TMEM161B: variants seen among roughly 807,000 people sequenced by gnomAD.
TMEM161B encodes transmembrane protein 161B.
In TMEM161B, 34 loss-of-function variants were observed where a neutral mutation model predicts 61.8. The ratio of observed to expected loss-of-function variants is 0.55; its 90% CI spans 0.42 to 0.73. The LOEUF is 0.73. Among genes scored for constraint, TMEM161B ranks in the 30% least tolerant of loss-of-function variants. TMEM161B has a pLI of 0.00. For synonymous variants in TMEM161B, 167 were observed against 192.8 expected (o/e 0.87, Z 1.11); for missense variants, 456 against 558.5 (o/e 0.82, Z 1.85).
intron 1 of TMEM161B, among the ~76,000 whole-genome samples, chr5:88,253,019 A>G (rs1754535431): frequency 6.6e-6 from 1 of 152,142 alleles, no homozygotes; most frequent in South Asian, 2.1e-4. Flanking sequence ...TATTTCATTC[A>G]AGGAGTGATG....
At chr5:88,189,217 C>CTT (rs879389120), downstream of TMEM161B, among the ~76,000 whole-genome samples, 10 of 149,170 alleles carry the variant, frequency 6.7e-5, no homozygotes, top group African/African-American at 2.5e-4. Flanking sequence ...ACTATTTTAA[C>CTT]TTTTTTTTTT....
chr5:88,240,638 T>C (rs1386235660), intron 2 of TMEM161B, among the ~76,000 whole-genome samples, 175 bp downstream of exon 2: 2 of 151,378 alleles, frequency 1.3e-5, no homozygotes, highest in South Asian at 2.1e-4. Context: ...CTGGGCAACA[T>C]AGCAAGGTCT....
Position 88,220,649 on chromosome 5 carries a change from T to A in TMEM161B, c.360A>T (p.Val120=). ...TCATAAAATTGTAGTAGACTTCAGT[T>A]ACTAGATACACAACTGTAGCAGCCA... The part of the protein sequence containing the change: ...FTVAATVVYL[V]TEVYYNFMKP... Residue 120 remains valine, a synonymous_variant, in exon 5 of 12, where the codon GTA becomes GTT. Transcript: ENST00000296595. 1 of 1,593,888 alleles carries A rather than the reference T, an allele frequency of 6.3e-7. No homozygotes were observed. Among genetic ancestry groups the A allele is most frequent in the Non-Finnish European group, 8.5e-7 (1 of 1,174,750 alleles).
intron 8 of TMEM161B, among the ~76,000 whole-genome samples, chr5:88,204,458 C>T (rs1394629047): frequency 1.3e-5 from 2 of 152,122 alleles, no homozygotes; most frequent in East Asian, 3.8e-4. Context: ...TTCTTTCATC[C>T]CACAGACTGG....
intron 1 of TMEM161B, among the ~76,000 whole-genome samples, chr5:88,261,407 A>G (rs1046462294): frequency 2.0e-5 from 3 of 151,978 alleles, no homozygotes; most frequent in Admixed American, 6.6e-5. Context: ...TCAAAAAAAA[A>G]GAAAAGAAAA....
chr5:88,220,503 A>ATGAGATCTAATGGTGTTATCTCTGATT, intron 5 of TMEM161B, 60 bp downstream of exon 5: 1 of 1,290,014 alleles, frequency 7.8e-7, no homozygotes, highest in Non-Finnish European at 1.0e-6. Context: ...CAAATCAGAG[A>ATGAGATCTAATGGTGTTATCTCTGATT]TGAGATCTAA....
At chr5:88,224,967 T>TTG in intron 4 of TMEM161B, among the ~76,000 whole-genome samples, 1 of 140,550 alleles carries the variant, frequency 7.1e-6, no homozygotes, top group East Asian at 2.1e-4. Flanking sequence ...ATGTTTTTGT[T>TTG]TTTTTTTTTT....
chr5:88,188,596 A>G (rs556343147), downstream of TMEM161B, among the ~76,000 whole-genome samples: 1 of 152,358 alleles, frequency 6.6e-6, no homozygotes, highest in South Asian at 2.1e-4. Context: ...AGGATAAAAT[A>G]AAGCAGGCAG....
intron 4 of TMEM161B, among the ~76,000 whole-genome samples, chr5:88,223,669 C>A (rs748590315): frequency 2.6e-5 from 4 of 151,942 alleles, no homozygotes; most frequent in Non-Finnish European, 5.9e-5. Flanking sequence ...GGGCAGATCA[C>A]GAGGTCAGGA....
chr5:88,230,597 C>T (rs973669767), intron 2 of TMEM161B, among the ~76,000 whole-genome samples: 5 of 152,150 alleles, frequency 3.3e-5, no homozygotes, highest in African/African-American at 1.2e-4. Context: ...CACTTTCTGG[C>T]TTGACTAAGT....
At chr5:88,248,289 T>C (rs80129947) in intron 1 of TMEM161B, among the ~76,000 whole-genome samples, 1,536 of 152,104 alleles carry the variant, frequency 0.01, 16 homozygotes, top group African/African-American at 0.034. Flanking sequence ...CAGCGGGAGG[T>C]AGGATGTTTC....
At chr5:88,231,632 T>C (rs1422740008) in intron 2 of TMEM161B, among the ~76,000 whole-genome samples, 1 of 152,180 alleles carries the variant, frequency 6.6e-6, no homozygotes, top group Non-Finnish European at 1.5e-5. Flanking sequence ...AAAATATATA[T>C]ATCCCAACCT....
chr5:88,263,975 A>C (rs951267687), intron 1 of TMEM161B, among the ~76,000 whole-genome samples: 2 of 152,176 alleles, frequency 1.3e-5, no homozygotes, highest in African/African-American at 4.8e-5. Context: ...CTTAGTGGTT[A>C]ACTGCTAATA....
chr5:88,228,401 AT>A (rs1290574185), intron 3 of TMEM161B, 43 bp downstream of exon 3: 1 of 1,326,700 alleles, frequency 7.5e-7, no homozygotes. Flanking sequence ...ATTTATATAA[AT>A]TGTGTTAAAT....
At chr5:88,205,062 T>C (rs1424764456) in intron 8 of TMEM161B, among the ~76,000 whole-genome samples, 4 of 152,174 alleles carry the variant, frequency 2.6e-5, no homozygotes, top group African/African-American at 9.7e-5. Context: ...AACAAAACGA[T>C]GAGACAGGAA....
intron 3 of TMEM161B, among the ~76,000 whole-genome samples, chr5:88,227,249 T>C (rs1014314252): frequency 3.9e-5 from 6 of 152,124 alleles, no homozygotes; most frequent in Non-Finnish European, 7.4e-5. Flanking sequence ...AGGGGAATAG[T>C]TAAAAAGAAA....
chr5:88,232,304 A>G (rs902601186), intron 2 of TMEM161B, among the ~76,000 whole-genome samples: 1 of 152,226 alleles, frequency 6.6e-6, no homozygotes. Flanking sequence ...TGACCATAAA[A>G]GCACTGATTT....
chr5:88,230,904 A>AT (rs1178982853), intron 2 of TMEM161B, among the ~76,000 whole-genome samples: 1 of 152,194 alleles, frequency 6.6e-6, no homozygotes, highest in Non-Finnish European at 1.5e-5. Context: ...CACCAAGCAC[A>AT]TGATTAGAGG....
chr5:88,217,468 A>G (rs926887975), intron 5 of TMEM161B, among the ~76,000 whole-genome samples: 5 of 151,980 alleles, frequency 3.3e-5, no homozygotes, highest in Admixed American at 2.6e-4. Context: ...TTTTACTGCA[A>G]AACTCCCCAA....
Sources: gnomAD v4.1 joint callset for allele counts (sites outside exome capture counted in the v4.1 genomes callset) on GRCh38, gnomAD v4.1.1 for gene constraint, MANE v1.5 for transcripts, NCBI Gene and HGNC (gene_info 2026-07-23, HGNC 2026-07-21) for gene names.